CYGB: variants seen among roughly 807,000 people sequenced by gnomAD.
CYGB encodes histoglobin.
Under a neutral mutation model 20.7 loss-of-function variants are expected in CYGB, and 13 were observed. The observed-to-expected ratio is 0.63, with a 90% CI of 0.41 to 1.00. CYGB has a LOEUF of 1.00. CYGB is among the 50% of genes least tolerant of loss of function. The pLI is 0.00. For synonymous variants in CYGB, 93 were observed against 107.4 expected (o/e 0.87, Z 0.83); for missense variants, 218 against 257.2 (o/e 0.85, Z 1.04).
chr17:76,540,263 G>GGC (rs1567911066), upstream of CYGB: 16 of 610,928 alleles, frequency 2.6e-5, no homozygotes, highest in Middle Eastern at 3.7e-4. This position sits in a 1 kb window ranked among gnomAD's most constrained non-coding sequence, Gnocchi z 5.0. Flanking sequence ...GGGGGGGGGG[G>GGC]CATGGGGCTG....
rs916583718 is a variant in CYGB at position 76,534,111 on chromosome 17, C to CTTCT, written c.144-2424_144-2421dup. 2.4e-3 allele frequency among the ~76,000 whole-genome samples: 349 copies of CTTCT among 144,696 alleles called. 11 individuals carry two copies. In the East Asian group the frequency reaches 0.037, roughly 15 times the overall value. 94.9% of individuals were successfully genotyped at this position (144,696 alleles called of 152,430 possible). On this transcript the variant is annotated intron_variant, in intron 1 of 3. Coordinates refer to ENST00000293230, the MANE Select transcript of CYGB (RefSeq NM_134268.5). Reference sequence around the variant, plus strand: ...GTACCTTTTTTCTTTTTCTTTCTTTCTTCTTTCTTTCTTTCTTTCTCTCTC... The same window carrying CTTCT: ...GTACCTTTTTTCTTTTTCTTTCTTTCTTCTTTCTTTCTTTCTTTCTTTCTCTCTC...
In CYGB at chr17:76,531,004, C is replaced by A. The variant is rs2074832135; in HGVS notation, c.514G>T (p.Val172Leu). 1.2e-6 allele frequency: 2 copies of A among 1,611,918 alleles called. No homozygotes were observed. Among genetic ancestry groups the A allele is most frequent in the Non-Finnish European group, 1.7e-6 (2 of 1,179,048 alleles). The change falls in exon 3 of 4, where the codon GTG becomes TTG. Residue 172 changes from valine to leucine, a missense_variant. Val to Leu is a conservative substitution (Grantham distance 32). Transcript: ENST00000293230. This position sits in a 1 kb window ranked among gnomAD's most constrained non-coding sequence, Gnocchi z 7.4. Reference sequence around the variant, plus strand: ...GTGGTGGCGTTGGGGACCTGCTGCACCCAGCCCACTTCCTTGTAGGCAGCG... The same window carrying A: ...GTGGTGGCGTTGGGGACCTGCTGCAACCAGCCCACTTCCTTGTAGGCAGCG... The part of the protein sequence containing the change: ...VTAAYKEVGW[V>L]QQVPNATTPP...
rs1598205563 is a variant in CYGB at position 76,534,147 on chromosome 17, T to TCTCTCTCTCTCTCC, written c.144-2457_144-2456insGGAGAGAGAGAGAG. ...CTTTCTTTCTCTCTCTCTTTCTCTT[T>TCTCTCTCTCTCTCC]CTCTCTCTCTCTCTCTCTCTCTCTC... On this transcript the variant is annotated intron_variant, in intron 1 of 3. Coordinates refer to ENST00000293230, the MANE Select transcript of CYGB (RefSeq NM_134268.5). Among the ~76,000 whole-genome samples the TCTCTCTCTCTCTCC allele has an allele frequency of 6.4e-4, 3 of 4,682 alleles. No homozygotes were observed. In the East Asian group the frequency reaches 0.12, roughly 180 times the overall value. The allele number at this position is 4,682 out of a possible 152,430, so 3.1% of individuals were successfully genotyped here.
In CYGB at chr17:76,527,964, C is replaced by A; in HGVS notation, c.*614G>T. ...CCAAGCCGGGTTGCCCCAGCCCTGC[C>A]CCTCCAGGCCCAGGTCCTCTGCGCT... On this transcript the variant is annotated 3_prime_UTR_variant, in exon 4 of 4. Coordinates refer to ENST00000293230, the MANE Select transcript of CYGB (RefSeq NM_134268.5). The A allele has an allele frequency of 2.7e-6, 1 of 373,654 alleles. No homozygotes were observed. Among genetic ancestry groups the A allele is most frequent in the South Asian group, 1.9e-5 (1 of 51,556 alleles). 23.1% of individuals were successfully genotyped at this position (373,654 alleles called of 1,614,324 possible).
At position 76,531,016 on chromosome 17, in the gene CYGB, C is replaced by G. The variant is rs2074832314; in HGVS notation, c.502G>C (p.Glu168Gln). 6.2e-7 allele frequency: 1 copy of G among 1,612,934 alleles called. No individual in the cohort carries two copies. The highest frequency in any genetic ancestry group is 8.5e-7 in the Non-Finnish European group (1 of 1,179,682). ...IYSHVTAAYKEVGWVQQVPNA... is the reference protein window; with the variant it reads ...IYSHVTAAYKQVGWVQQVPNA... Reference sequence around the variant, plus strand: ...GGGACCTGCTGCACCCAGCCCACTTCCTTGTAGGCAGCGGTCACGTGGCTG... The same window carrying G: ...GGGACCTGCTGCACCCAGCCCACTTGCTTGTAGGCAGCGGTCACGTGGCTG... Residue 168 changes from glutamate to glutamine, a missense_variant, in exon 3 of 4, where the codon GAA (glutamate) becomes CAA (glutamine). Glu to Gln is a conservative substitution (Grantham distance 29). This residue lies in a region of CYGB where 66 missense variants were observed against 107.4 expected (regional missense o/e 0.61). Transcript: ENST00000293230. The surrounding 1 kb of genome is among the most constrained non-coding windows in gnomAD (Gnocchi z 7.4).
chr17:76,548,693 C>T (rs538331597), intron 1 of CYGB, among the ~76,000 whole-genome samples: 2 of 152,374 alleles, frequency 1.3e-5, no homozygotes, highest in African/African-American at 4.8e-5. Flanking sequence ...CAGAAGCTCT[C>T]TGGGGGCCCC....
chr17:76,541,311 G>A (rs529554847), upstream of CYGB, among the ~76,000 whole-genome samples: 1 of 152,326 alleles, frequency 6.6e-6, no homozygotes, highest in African/African-American at 2.4e-5. Flanking sequence ...AGACCTGTCT[G>A]AAGAGTGACT....
At chr17:76,540,029 C>A, upstream of CYGB, 2 of 1,122,174 alleles carry the variant, frequency 1.8e-6, no homozygotes, top group Non-Finnish European at 2.6e-6. The surrounding 1 kb of genome is among the most constrained non-coding windows in gnomAD (Gnocchi z 5.0). Flanking sequence ...CCATCCCCAG[C>A]AGGAACCGCA....
chr17:76,534,423 C>T (rs1375663564), intron 1 of CYGB, among the ~76,000 whole-genome samples: 1 of 152,210 alleles, frequency 6.6e-6, no homozygotes, highest in Admixed American at 6.5e-5. Context: ...CGGTGATCTG[C>T]CTGCCTCGGC....
Position 76,531,437 on chromosome 17 carries a change from C to T in CYGB, c.375+23G>A, listed in dbSNP as rs201699563. 44 of 1,594,618 alleles carry T rather than the reference C, an allele frequency of 2.8e-5. No homozygotes were observed. The African/African-American group carries it at 5.2e-4, about 19-fold the overall frequency. On this transcript the variant is annotated intron_variant, in intron 2 of 3. Transcript: ENST00000293230. The surrounding 1 kb of genome is among the most constrained non-coding windows in gnomAD (Gnocchi z 7.4). ...CCATGACGCGTGGGCGGTGGGGGCT[C>T]TGCAGCAGATGGGGGCGCATACCTT...
At chr17:76,542,712 T>C (rs1246461886) in intron 1 of CYGB, 4 of 876,286 alleles carry the variant, frequency 4.6e-6, no homozygotes, top group Non-Finnish European at 5.7e-6. Context: ...GTCCCGGCCA[T>C]GTGGGAGGAT....
chr17:76,544,670 G>GT (rs757660722), intron 1 of CYGB: 1 of 456,774 alleles, frequency 2.2e-6, no homozygotes, highest in Non-Finnish European at 4.4e-6. Context: ...GGCCTTCCTG[G>GT]TGACAGGCCT....
At chr17:76,540,263 G>GGA, upstream of CYGB, 1 of 610,900 alleles carries the variant, frequency 1.6e-6, no homozygotes, top group African/African-American at 2.4e-5. This position sits in a 1 kb window ranked among gnomAD's most constrained non-coding sequence, Gnocchi z 5.0. Flanking sequence ...GGGGGGGGGG[G>GGA]CATGGGGCTG....
At chr17:76,548,203 A>G (rs542613646) in intron 1 of CYGB, among the ~76,000 whole-genome samples, 1 of 152,102 alleles carries the variant, frequency 6.6e-6, no homozygotes, top group South Asian at 2.1e-4. Flanking sequence ...TTACACACAT[A>G]CAGACATATA....
At chr17:76,545,274 C>T (rs1385647348) in intron 1 of CYGB, 1 of 456,792 alleles carries the variant, frequency 2.2e-6, no homozygotes, top group East Asian at 6.9e-5. Flanking sequence ...GACCCGGGTG[C>T]CCCTTCCTTG....
intron 1 of CYGB, among the ~76,000 whole-genome samples, chr17:76,549,328 G>C (rs2075085161): frequency 6.6e-6 from 1 of 152,326 alleles, no homozygotes; most frequent in East Asian, 1.9e-4. Flanking sequence ...AAAATACATA[G>C]AAAGTTGTTC....
Position 76,531,676 on chromosome 17 carries a change from G to T in CYGB, c.159C>A (p.Phe53Leu), listed in dbSNP as rs1372060832. The change falls in exon 2 of 4, where the codon TTC becomes TTA. Residue 53 changes from phenylalanine (F) to leucine (L), a missense_variant. By Grantham distance (22) the Phe-to-Leu change is conservative. This residue lies in a region of CYGB where 152 missense variants were observed against 149.9 expected (regional missense o/e 1.01). Transcript: ENST00000293230. The surrounding 1 kb of genome is among the most constrained non-coding windows in gnomAD (Gnocchi z 7.4). The part of the protein sequence containing the change: ...VAILVRFFVN[F>L]PSAKQYFSQF... ...GGCTGAAGTACTGCTTGGCCGAGGG[G>T]AAGTTCACAAAGAACCTGGCAAGAG... 6.3e-7 allele frequency: 1 copy of T among 1,595,738 alleles called. No individual in the cohort carries two copies. Among genetic ancestry groups the T allele is most frequent in the East Asian group, 2.3e-5 (1 of 44,328 alleles).
At chr17:76,551,024 G>A (rs550296328) in exon 1 of CYGB, 8 of 152,378 alleles carry the variant, frequency 5.3e-5, no homozygotes, top group African/African-American at 1.9e-4. Context: ...AATCAGCAGA[G>A]CTGGGACTTT....
At chr17:76,541,629 C>T (rs1164359024), upstream of CYGB, among the ~76,000 whole-genome samples, 5 of 152,146 alleles carry the variant, frequency 3.3e-5, no homozygotes, top group Admixed American at 6.5e-5. Flanking sequence ...GGCATTTCTG[C>T]GACACCTCAA....
Sources: gnomAD v4.1 joint callset for allele counts (sites outside exome capture counted in the v4.1 genomes callset) on GRCh38, gnomAD v4.1.1 for gene constraint, gnomAD v4.1.1 regional missense constraint, Gnocchi (gnomAD v3.1) non-coding constraint, MANE v1.5 for transcripts, NCBI Gene and HGNC (gene_info 2026-07-23, HGNC 2026-07-21) for gene names.